Variants in PARD3B observed in about 807,000 individuals in gnomAD.
The protein encoded by PARD3B is par-3 family cell polarity regulator beta, also known as partitioning defective 3 homolog B.
Under a neutral mutation model 130.2 loss-of-function variants are expected in PARD3B, and 103 were observed. The observed-to-expected ratio is 0.79, with a 90% confidence interval of 0.67 to 0.93. The LOEUF is 0.93. Among genes scored for constraint, PARD3B ranks in the 40% least tolerant of loss-of-function variants. The pLI is 0.00. For missense variants in PARD3B, 1,609 were observed against 1,499.2 expected, an observed-to-expected ratio of 1.07 and a Z score of -1.21; for synonymous variants, 583 against 553.2, an observed-to-expected ratio of 1.05 and a Z score of -0.76.
chr2:205,122,048 T>C lies in PARD3B; in HGVS notation c.1165+99T>C, dbSNP rs939583003. 1.1e-5 allele frequency: 11 copies of C among 984,566 alleles called. No homozygotes were observed. Among genetic ancestry groups the C allele is most frequent in the Admixed American group, 2.8e-5 (1 of 36,068 alleles). The allele number at this position is 984,566 out of a possible 1,614,324, so 61.0% of individuals were successfully genotyped here. A position where few individuals can be genotyped will look rare whatever the true frequency, so the allele number is the denominator to read the frequency against. On this transcript the variant is annotated intron_variant, in intron 8 of 22. Coordinates refer to ENST00000406610, the MANE Select transcript of PARD3B (RefSeq NM_001302769.2). The surrounding 1 kb of genome is among the most constrained non-coding windows in gnomAD (Gnocchi z 4.3). The stretch of plus-strand genomic sequence containing the variant: ...GCTAATTTAGTTAATTCTCCCTTCA[T>C]TTAATTGTATCAAAGAATAGATTTA...
At chr2:204,583,917 T>C (rs1334067919) in intron 1 of PARD3B, among the ~76,000 whole-genome samples, 1 of 152,274 alleles carries the variant, frequency 6.6e-6, no homozygotes, top group Non-Finnish European at 1.5e-5. Context: ...TTTCTCCCAC[T>C]GCAGCTTGCT....
rs111836292 is a variant in PARD3B, at chr2:205,375,686, A to T, written c.2631-25327A>T. On this transcript the variant is annotated intron_variant, in intron 18 of 22. Coordinates refer to ENST00000406610, the MANE Select transcript of PARD3B (RefSeq NM_001302769.2). ...AGAGAGAGAGAACGCACATGTTTGTAATTTAAGAGATTGTCTCTCTACTGG... is the reference window on the plus strand; with the variant it reads ...AGAGAGAGAGAACGCACATGTTTGTTATTTAAGAGATTGTCTCTCTACTGG... Among the ~76,000 whole-genome samples, 282 of 152,286 alleles carry T rather than the reference A, an allele frequency of 1.9e-3. 1 individual carries two copies. The highest frequency in any genetic ancestry group is 6.5e-3 in the African/African-American group (269 of 41,550).
chr2:204,756,339 A>G (rs2040672998), intron 2 of PARD3B, among the ~76,000 whole-genome samples: 1 of 152,156 alleles, frequency 6.6e-6, no homozygotes, highest in Non-Finnish European at 1.5e-5. Context: ...TGGCTGCAAT[A>G]TTACTGTATT....
chr2:205,438,007 T>C (rs765410338), intron 19 of PARD3B, among the ~76,000 whole-genome samples: 20 of 152,040 alleles, frequency 1.3e-4, no homozygotes, highest in Non-Finnish European at 2.6e-4. Context: ...TGGTCTCTTC[T>C]GCCACCATAC....
chr2:205,298,033 A>G (rs1407584311), intron 16 of PARD3B, among the ~76,000 whole-genome samples: 1 of 152,194 alleles, frequency 6.6e-6, no homozygotes, highest in African/African-American at 2.4e-5. Context: ...CTCCTTTTAG[A>G]TAACGTGCCT....
At chr2:205,507,218 T>TTG (rs2050405102) in intron 21 of PARD3B, among the ~76,000 whole-genome samples, 1 of 120,552 alleles carries the variant, frequency 8.3e-6, no homozygotes, top group Admixed American at 8.6e-5. Context: ...TTTTTTTTTT[T>TTG]TTTTTTTTTT....
At chr2:204,901,623 G>T (rs911082304) in intron 2 of PARD3B, among the ~76,000 whole-genome samples, 2 of 150,998 alleles carry the variant, frequency 1.3e-5, no homozygotes, top group African/African-American at 4.9e-5. Flanking sequence ...GCAAGACAAA[G>T]TCCCCTTTGC....
intron 2 of PARD3B, among the ~76,000 whole-genome samples, chr2:204,794,751 T>C (rs766064313): frequency 2.0e-5 from 3 of 152,238 alleles, no homozygotes; most frequent in Non-Finnish European, 2.9e-5. Context: ...ACAAAATACA[T>C]GAAAGTTTAA....
intron 8 of PARD3B, among the ~76,000 whole-genome samples, chr2:205,123,081 G>C (rs1434160): frequency 0.3 from 46,308 of 152,074 alleles, 7,349 homozygotes; most frequent in Non-Finnish European, 0.34. Context: ...CATCACATCT[G>C]TACTTTGGCA....
intron 2 of PARD3B, among the ~76,000 whole-genome samples, chr2:204,785,763 C>A (rs1362513305): frequency 2.0e-5 from 3 of 151,960 alleles, no homozygotes; most frequent in Non-Finnish European, 4.4e-5. Context: ...TACCTTTTTC[C>A]CCCATATTGT....
Position 205,460,833 on chromosome 2 carries a change from G to A in PARD3B, c.3044+20161G>A, listed in dbSNP as rs550881950. ...TTTCCTCACTTTTCTACCACTATTGGTTGAAGTGCCCTTTATTTGACCCGT... is the reference window on the plus strand; with the variant it reads ...TTTCCTCACTTTTCTACCACTATTGATTGAAGTGCCCTTTATTTGACCCGT... On this transcript the variant is annotated intron_variant, in intron 20 of 22. Coordinates refer to ENST00000406610, the MANE Select transcript of PARD3B (RefSeq NM_001302769.2). The surrounding 1 kb of genome is among the most constrained non-coding windows in gnomAD (Gnocchi z 4.9). Among the ~76,000 whole-genome samples, 17 of 152,170 alleles carry A rather than the reference G, an allele frequency of 1.1e-4. No individual in the cohort carries two copies. In the South Asian group the frequency reaches 3.5e-3, roughly 32 times the overall value.
intron 2 of PARD3B, among the ~76,000 whole-genome samples, chr2:204,886,302 A>G (rs2046269369): frequency 6.6e-6 from 1 of 152,160 alleles, no homozygotes; most frequent in South Asian, 2.1e-4. Flanking sequence ...GTCTATTTTT[A>G]TGAGTTCCCA....
chr2:205,443,674 G>A (rs1240535763), intron 20 of PARD3B, among the ~76,000 whole-genome samples: 1 of 152,186 alleles, frequency 6.6e-6, no homozygotes, highest in Non-Finnish European at 1.5e-5. Context: ...AGAGCAAAGT[G>A]GCCTGAAAGA....
chr2:205,079,826 A>T (rs1701295100), intron 4 of PARD3B, among the ~76,000 whole-genome samples: 1 of 152,078 alleles, frequency 6.6e-6, no homozygotes, highest in South Asian at 2.1e-4. Flanking sequence ...TTAAGAGTTT[A>T]ATTCTCCATG....
intron 2 of PARD3B, among the ~76,000 whole-genome samples, chr2:204,841,248 C>T (rs762685555): frequency 6.6e-6 from 1 of 151,910 alleles, no homozygotes; most frequent in African/African-American, 2.4e-5. Flanking sequence ...CATGGAAGCT[C>T]CAAAACAGAG....
At position 205,291,997 on chromosome 2, in the gene PARD3B, G is replaced by A. The variant is rs2041625812; in HGVS notation, c.2186-8533G>A. On this transcript the variant is annotated intron_variant, in intron 16 of 22. Transcript: ENST00000406610. This position sits in a 1 kb window ranked among gnomAD's most constrained non-coding sequence, Gnocchi z 4.6. ...GCCCTGGAGACAGAGTGGTGTCAAA[G>A]GAGGGGCTGCTGGTGCCCTCAGGAC... 6.6e-6 allele frequency among the ~76,000 whole-genome samples: 1 copy of A among 152,212 alleles called. No homozygotes were observed. The highest frequency in any genetic ancestry group is 2.1e-4 in the South Asian group (1 of 4,834).
chr2:205,048,117 C>A (rs1427522562), intron 4 of PARD3B: 1 of 153,256 alleles, frequency 6.5e-6, no homozygotes, highest in East Asian at 1.9e-4. Context: ...TATACTGTTA[C>A]ATTTCCTTCA....
intron 2 of PARD3B, among the ~76,000 whole-genome samples, chr2:204,862,603 G>A (rs1322585351): frequency 1.3e-5 from 2 of 152,116 alleles, no homozygotes; most frequent in African/African-American, 4.8e-5. Flanking sequence ...AAGACTGAAT[G>A]GGTTTTAGTT....
chr2:205,397,110 A>G lies in PARD3B; in HGVS notation c.2631-3903A>G, dbSNP rs1320309272. Among the ~76,000 whole-genome samples, 1 of 152,206 alleles carries G rather than the reference A, an allele frequency of 6.6e-6. No individual in the cohort carries two copies. The highest frequency in any genetic ancestry group is 2.4e-5 in the African/African-American group (1 of 41,446). ...TCAGTGTGTTAATAAATAAAATGCAATTAACTTCTCTGGGTCTCAATTTCC... is the reference window on the plus strand; with the variant it reads ...TCAGTGTGTTAATAAATAAAATGCAGTTAACTTCTCTGGGTCTCAATTTCC... On this transcript the variant is annotated intron_variant, in intron 18 of 22. Transcript: ENST00000406610. The surrounding 1 kb of genome is among the most constrained non-coding windows in gnomAD (Gnocchi z 4.8).
Sources: allele counts gnomAD v4.1 joint callset (sites outside exome capture counted in the v4.1 genomes callset), GRCh38; gene constraint gnomAD v4.1.1; non-coding constraint Gnocchi (gnomAD v3.1); transcripts MANE v1.5; gene names NCBI Gene and HGNC (gene_info 2026-07-23, HGNC 2026-07-21).